AGT: variants seen among roughly 807,000 people sequenced by gnomAD.
The protein encoded by AGT is alpha-1 antiproteinase, antitrypsin.
AGT carries 26 observed loss-of-function variants against 28.1 expected under a neutral mutation model. That is an observed-to-expected ratio of 0.92 (90% confidence interval 0.68 to 1.28). The LOEUF is 1.28. Ranked by LOEUF, AGT falls within the 50% of genes most tolerant of loss-of-function variation. The pLI is 0.00. For synonymous variants in AGT, 259 were observed against 259.6 expected (o/e 1.00, Z 0.02); for missense variants, 596 against 592.3 (o/e 1.01, Z -0.06).
At chr1:230,723,463 C>T (rs1663883873) in intron 1 of AGT, among the ~76,000 whole-genome samples, 1 of 152,096 alleles carries the variant, frequency 6.6e-6, no homozygotes, top group African/African-American at 2.4e-5. Context: ...ATTTTGGCTC[C>T]CTCTTTGTAA....
chr1:230,739,875 G>A (rs1378128792), intron 1 of AGT, among the ~76,000 whole-genome samples: 1 of 152,186 alleles, frequency 6.6e-6, no homozygotes, highest in African/African-American at 2.4e-5. Flanking sequence ...CAGACCCCAG[G>A]AGAGGGTTCT....
chr1:230,742,466 C>T (rs1022984538), intron 1 of AGT, among the ~76,000 whole-genome samples: 3 of 152,270 alleles, frequency 2.0e-5, no homozygotes, highest in African/African-American at 7.2e-5. Context: ...CAGGTGCCCA[C>T]CACTATGCCT....
chr1:230,745,277 C>T (rs1249089837), intron 1 of AGT, among the ~76,000 whole-genome samples: 3 of 152,144 alleles, frequency 2.0e-5, no homozygotes, highest in African/African-American at 7.2e-5. Context: ...ATCAGCAGCT[C>T]CTGATCCCCT....
chr1:230,706,086 T>G lies in AGT; in HGVS notation c.944A>C (p.Asp315Ala). 6.2e-7 allele frequency: 1 copy of G among 1,613,950 alleles called. No homozygotes were observed. The highest frequency in any genetic ancestry group is 1.1e-5 in the South Asian group (1 of 91,052). The change falls in exon 3 of 5, where the codon GAC (aspartate) becomes GCC (alanine). Residue 315 changes from aspartate (D) to alanine (A), a missense_variant. Asp to Ala is a moderately radical substitution (Grantham distance 126, BLOSUM62 -2). Transcript: ENST00000366667. ...AGTCACCGAGAAGTTGTCCTGGATG[T>G]CACTCCAGTGCTGGAAGGTGCCCAT... ...SGMGTFQHWS[D>A]IQDNFSVTQV...
chr1:230,733,592 T>G (rs1490323692), intron 1 of AGT, among the ~76,000 whole-genome samples: 1 of 152,152 alleles, frequency 6.6e-6, no homozygotes, highest in Non-Finnish European at 1.5e-5. Context: ...CACGCCAAAA[T>G]GTCATCCTTG....
chr1:230,719,498 C>T (rs182511971), upstream of AGT, among the ~76,000 whole-genome samples: 95 of 150,652 alleles, frequency 6.3e-4, no homozygotes, highest in East Asian at 5.9e-4. Context: ...AGCTCCGCCT[C>T]CTGGGTTCAC....
upstream of AGT, among the ~76,000 whole-genome samples, chr1:230,717,887 C>T (rs1270412359): frequency 6.6e-6 from 1 of 152,154 alleles, no homozygotes; most frequent in Non-Finnish European, 1.5e-5. Flanking sequence ...TAAGTTGGCT[C>T]ACATGGGCTT....
At chr1:230,708,117 C>G (rs192665988) in intron 2 of AGT, among the ~76,000 whole-genome samples, 1 of 152,208 alleles carries the variant, frequency 6.6e-6, no homozygotes, top group African/African-American at 2.4e-5. Flanking sequence ...CCTCCTTTGA[C>G]GGAAACTGAG....
intron 1 of AGT, among the ~76,000 whole-genome samples, chr1:230,734,639 C>T (rs892082792): frequency 1.3e-5 from 2 of 150,588 alleles, no homozygotes; most frequent in African/African-American, 2.5e-5. Flanking sequence ...TGTTTCATCC[C>T]TATGTACAAG....
At position 230,705,865 on chromosome 1, in the gene AGT, C is replaced by A. The variant is rs61757180; in HGVS notation, c.1097+68G>T. 5.5e-5 allele frequency: 88 copies of A among 1,596,416 alleles called. No homozygotes were observed. The African/African-American group carries it at 1.1e-3, about 19-fold the overall frequency. On this transcript the variant is annotated intron_variant, in intron 3 of 4. Coordinates refer to ENST00000366667, the MANE Select transcript of AGT (RefSeq NM_001384479.1). ...GCTCAGCTCAGGTGTGTCTACTCCC[C>A]ACCCCGCCCCCAGCCTGGGCAGGAC...
chr1:230,728,068 TA>T (rs2102801325), intron 1 of AGT, among the ~76,000 whole-genome samples: 1 of 152,262 alleles, frequency 6.6e-6, no homozygotes, highest in Non-Finnish European at 1.5e-5. Flanking sequence ...GATGCAATCA[TA>T]GGGGTGTGGA....
Position 230,731,228 on chromosome 1 carries a change from G to A in AGT, c.-31+14287C>T, listed in dbSNP as rs554995262. Among the ~76,000 whole-genome samples the A allele has an allele frequency of 9.2e-5, 14 of 152,202 alleles. No homozygotes were observed. The East Asian group carries it at 1.2e-3, about 13-fold the overall frequency. On this transcript the variant is annotated intron_variant, in intron 1 of 4. Transcript: ENST00000681269. ...GAGTAATATTTGTAAATCACACTTC[G>A]TGCTTCAGCCTGTCCCTTTCAGGTC...
At chr1:230,708,329 C>A (rs2102788982) in intron 2 of AGT, among the ~76,000 whole-genome samples, 1 of 152,320 alleles carries the variant, frequency 6.6e-6, no homozygotes. Context: ...GGCTTTCTTG[C>A]CTTTGCCTTC....
At chr1:230,742,370 C>T (rs1664262866) in intron 1 of AGT, among the ~76,000 whole-genome samples, 1 of 152,186 alleles carries the variant, frequency 6.6e-6, no homozygotes, top group East Asian at 1.9e-4. Flanking sequence ...GGCTGGAGTG[C>T]AGTAGCACCA....
upstream of AGT, among the ~76,000 whole-genome samples, chr1:230,716,012 C>T (rs570995395): frequency 6.6e-6 from 1 of 152,282 alleles, no homozygotes; most frequent in African/African-American, 2.4e-5. Flanking sequence ...GCAAGCCAAA[C>T]TTCTCTTAAT....
At chr1:230,716,203 A>T (rs1663732007), upstream of AGT, among the ~76,000 whole-genome samples, 1 of 152,166 alleles carries the variant, frequency 6.6e-6, no homozygotes, top group African/African-American at 2.4e-5. Flanking sequence ...CAATCAGAAA[A>T]TTGCTAGAGA....
intron 1 of AGT, among the ~76,000 whole-genome samples, chr1:230,735,267 G>T (rs866028266): frequency 1.3e-5 from 2 of 152,110 alleles, no homozygotes; most frequent in South Asian, 2.1e-4. Flanking sequence ...GGAGAAGGGG[G>T]CACAGTGCTG....
chr1:230,737,105 C>G (rs1056427488), intron 1 of AGT, among the ~76,000 whole-genome samples: 1 of 152,116 alleles, frequency 6.6e-6, no homozygotes, highest in Non-Finnish European at 1.5e-5. Context: ...CCAATCTCCC[C>G]TAGTTCTTGC....
upstream of AGT, among the ~76,000 whole-genome samples, chr1:230,714,958 G>A (rs773240067): frequency 3.3e-5 from 5 of 152,170 alleles, no homozygotes; most frequent in Non-Finnish European, 5.9e-5. Flanking sequence ...CACAAGTGAC[G>A]CAGTGGGTGA....
Sources: allele counts gnomAD v4.1 joint callset (sites outside exome capture counted in the v4.1 genomes callset), GRCh38; gene constraint gnomAD v4.1.1; transcripts MANE v1.5; gene names NCBI Gene and HGNC (gene_info 2026-07-23, HGNC 2026-07-21).